KMT2A: variants seen among roughly 807,000 people sequenced by gnomAD.
The protein encoded by KMT2A is lysine methyltransferase 2A.
Under a neutral mutation model 345.3 loss-of-function variants are expected in KMT2A, and 16 were observed. The ratio of observed to expected loss-of-function variants is 0.05; its 90% confidence interval spans 0.03 to 0.07. The LOEUF (loss-of-function observed/expected upper bound fraction) is 0.07, where lower values mean the gene tolerates loss of function less well. Among genes scored for constraint, KMT2A ranks in the 10% least tolerant of loss-of-function variants. KMT2A has a pLI of 1.00. For missense variants in KMT2A, 3,272 were observed against 4,841.6 expected (o/e 0.68, Z 9.62); for synonymous variants, 1,599 against 1,778.6 (o/e 0.90, Z 2.54).
chr11:118,446,710 C>G (rs371588017), intron 1 of KMT2A, among the ~76,000 whole-genome samples: 1 of 152,220 alleles, frequency 6.6e-6, no homozygotes, highest in Non-Finnish European at 1.5e-5. Context: ...GTAATCTTCT[C>G]ATTGGTCTTC....
intron 8 of KMT2A, among the ~76,000 whole-genome samples, chr11:118,482,933 CA>C (rs1950161971): frequency 6.6e-6 from 1 of 151,604 alleles, no homozygotes; most frequent in South Asian, 2.1e-4. Context: ...ACACTGTCTC[CA>C]AAAAAAATTT....
intron 1 of KMT2A, among the ~76,000 whole-genome samples, chr11:118,460,450 C>G (rs1949725425): frequency 6.6e-6 from 1 of 151,886 alleles, no homozygotes; most frequent in Non-Finnish European, 1.5e-5. Flanking sequence ...GCACACCCAG[C>G]TATTTTTTTG....
At chr11:118,452,567 A>G (rs1282267680) in intron 1 of KMT2A, among the ~76,000 whole-genome samples, 2 of 152,092 alleles carry the variant, frequency 1.3e-5, no homozygotes, top group East Asian at 3.9e-4. Context: ...TTAAAATGGA[A>G]CTTAGATGTG....
intron 25 of KMT2A, among the ~76,000 whole-genome samples, 161 bp from the exon 26 acceptor site, chr11:118,501,511 C>T (rs11216879): frequency 5.9e-5 from 9 of 151,640 alleles, no homozygotes; most frequent in African/African-American, 2.2e-4. Context: ...GAATTCGATT[C>T]AGGGAGTACT....
rs9332822 is a variant in KMT2A, at chr11:118,495,409, C to T, written c.5364-291C>T. On this transcript the variant is annotated intron_variant, in intron 18 of 35. Transcript: ENST00000534358. The surrounding 1 kb of genome is among the most constrained non-coding windows in gnomAD (Gnocchi z 4.1). ...TTGACCTGGTGATCCGCCTGCCTCA[C>T]CCTCCCAAAAGTGCTGGGATTACAG... is the stretch of plus-strand genomic sequence containing the variant. 0.013 allele frequency among the ~76,000 whole-genome samples: 2,003 copies of T among 152,116 alleles called. 43 individuals are homozygous for T. Among genetic ancestry groups the T allele is most frequent in the African/African-American group, 0.046 (1,890 of 41,490 alleles).
At chr11:118,516,646 G>A (rs962472165) in intron 31 of KMT2A, among the ~76,000 whole-genome samples, 1 of 152,150 alleles carries the variant, frequency 6.6e-6, no homozygotes, top group Non-Finnish European at 1.5e-5. Context: ...CTAAGGTCCT[G>A]TCTGGCACAG....
intron 1 of KMT2A, among the ~76,000 whole-genome samples, chr11:118,438,323 G>T (rs375636934): frequency 1.8e-4 from 27 of 152,130 alleles, no homozygotes; most frequent in African/African-American, 5.8e-4. Context: ...ACATTATTCG[G>T]CCCCCTTCAG....
chr11:118,498,326 CAT>C lies in KMT2A; in HGVS notation c.5803-41_5803-40del, dbSNP rs1950443397. 6.4e-7 allele frequency: 1 copy of C among 1,562,752 alleles called. No homozygotes were observed. On this transcript the variant is annotated intron_variant, in intron 21 of 35. Transcript: ENST00000534358. This position sits in a 1 kb window ranked among gnomAD's most constrained non-coding sequence, Gnocchi z 4.4. The stretch of plus-strand genomic sequence containing the variant: ...AGAGGAGACGGTAAACGTCTTAAAA[CAT>C]ATGAAAGTCTGAATAGGACTCTGTT...
Position 118,495,947 on chromosome 11 carries a change from G to T in KMT2A, c.5557+54G>T. 2 of 1,410,978 alleles carry T rather than the reference G, an allele frequency of 1.4e-6. No homozygotes were observed. Among genetic ancestry groups the T allele is most frequent in the South Asian group, 1.3e-5 (1 of 76,980 alleles). 87.4% of individuals were successfully genotyped at this position (1,410,978 alleles called of 1,614,324 possible). A position where few individuals can be genotyped will look rare whatever the true frequency, so the allele number is the denominator to read the frequency against. ...CATTTCCCTCTAGATGCAGATGATT[G>T]ACTTCGTGAATCCAATTCACTAAAA... On this transcript the variant is annotated intron_variant, in intron 19 of 35. Coordinates refer to ENST00000534358, the MANE Select transcript of KMT2A (RefSeq NM_001197104.2). The surrounding 1 kb of genome is among the most constrained non-coding windows in gnomAD (Gnocchi z 4.1).
rs1950449747 is a variant in KMT2A, at chr11:118,498,661, C to T, written c.5961+133C>T. 2 of 828,582 alleles carry T rather than the reference C, an allele frequency of 2.4e-6. No individual in the cohort carries two copies. The highest frequency in any genetic ancestry group is 5.7e-5 in the Admixed American group (2 of 35,336). The allele number at this position is 828,582 out of a possible 1,614,324, so 51.3% of individuals were successfully genotyped here. ...CTGCACCCACATATGCACAGCCTCC[C>T]CCATGATCAGCATCCCCCACCAGAG... is the stretch of plus-strand genomic sequence containing the variant. On this transcript the variant is annotated intron_variant, in intron 22 of 35. Transcript: ENST00000534358. The surrounding 1 kb of genome is among the most constrained non-coding windows in gnomAD (Gnocchi z 4.4).
At position 118,457,860 on chromosome 11, in the gene KMT2A, T is replaced by A. The variant is rs988446213; in HGVS notation, c.433-10915T>A. On this transcript the variant is annotated intron_variant, in intron 1 of 35. Transcript: ENST00000534358. ...CCTCCAGCAGTGTCTTCCTCTAGCA[T>A]AGCAGGCAACATACGATACTTCATT... 2.3e-4 allele frequency among the ~76,000 whole-genome samples: 35 copies of A among 152,088 alleles called. 1 individual carries two copies. The highest frequency in any genetic ancestry group is 8.0e-4 in the African/African-American group (33 of 41,426).
rs893159802 is a variant in KMT2A, at chr11:118,521,882, C to T, written c.11644-15C>T. ...AAGAAATGACAAGTTCTTCTCCCTT[C>T]TTCTGCATGTGCAGGGCATTGGTTG... On this transcript the variant is annotated splice_polypyrimidine_tract_variant and intron_variant, in intron 35 of 35. Coordinates refer to ENST00000534358, the MANE Select transcript of KMT2A (RefSeq NM_001197104.2). The surrounding 1 kb of genome is among the most constrained non-coding windows in gnomAD (Gnocchi z 5.3). 6.2e-6 allele frequency: 10 copies of T among 1,606,642 alleles called. No homozygotes were observed. The highest frequency in any genetic ancestry group is 7.7e-6 in the Non-Finnish European group (9 of 1,173,660).
In KMT2A at chr11:118,505,837, A is replaced by G. The variant is rs1950571965; in HGVS notation, c.9945A>G (p.Thr3315=). 6.2e-7 allele frequency: 1 copy of G among 1,614,092 alleles called. No individual in the cohort carries two copies. Among genetic ancestry groups the G allele is most frequent in the African/African-American group, 1.3e-5 (1 of 74,922 alleles). The change falls in exon 27 of 36, where the codon ACA becomes ACG. Residue 3315 remains threonine, a synonymous_variant. Transcript: ENST00000534358. The surrounding 1 kb of genome is among the most constrained non-coding windows in gnomAD (Gnocchi z 4.6). ...LPQSVGGTAA[T]AAGTSTISQD... ...AGAGTGTGGGAGGAACTGCTGCCAC[A>G]GCGGCAGGCACATCAACAATAAGCC...
chr11:118,442,384 A>G (rs1458464249), intron 1 of KMT2A, among the ~76,000 whole-genome samples: 3 of 152,230 alleles, frequency 2.0e-5, no homozygotes, highest in African/African-American at 7.2e-5. Flanking sequence ...CTACATTTTA[A>G]TCAGATTCTT....
intron 31 of KMT2A, among the ~76,000 whole-genome samples, chr11:118,519,133 C>T (rs988626147): frequency 7.3e-6 from 1 of 137,268 alleles, no homozygotes; most frequent in Non-Finnish European, 1.6e-5. Context: ...TCTGGGGGAA[C>T]ATAAGCTTAT....
intron 28 of KMT2A, among the ~76,000 whole-genome samples, 191 bp from the exon 29 acceptor site, chr11:118,508,945 A>C (rs35648788): frequency 6.6e-6 from 1 of 152,198 alleles, no homozygotes; most frequent in Non-Finnish European, 1.5e-5. Flanking sequence ...AGAATCTCAC[A>C]AAAGAGTTTT....
At chr11:118,481,385 C>T (rs1555039141) in intron 6 of KMT2A, among the ~76,000 whole-genome samples, 4 of 152,208 alleles carry the variant, frequency 2.6e-5, no homozygotes, top group Non-Finnish European at 1.5e-5. Context: ...TTTCACTTAA[C>T]ATAATGTCCT....
rs1555053677 is a variant in KMT2A, at chr11:118,521,919, G to A, written c.11666G>A (p.Arg3889Gln). 2.5e-6 allele frequency: 4 copies of A among 1,613,802 alleles called. No homozygotes were observed. The highest frequency in any genetic ancestry group is 1.1e-5 in the South Asian group (1 of 91,074). The part of the protein sequence containing the change: ...DSKGIGCYMF[R>Q]IDDSEVVDAT... ...CAGGGCATTGGTTGCTATATGTTCCGAATTGATGACTCAGAGGTAGTGGAT... is the reference window on the plus strand; with the variant it reads ...CAGGGCATTGGTTGCTATATGTTCCAAATTGATGACTCAGAGGTAGTGGAT... Residue 3889 changes from arginine (R) to glutamine (Q), a missense_variant, in exon 36 of 36, where the codon CGA (arginine) becomes CAA (glutamine). Arg to Gln is a conservative substitution (Grantham distance 43). Transcript: ENST00000534358. This position sits in a 1 kb window ranked among gnomAD's most constrained non-coding sequence, Gnocchi z 5.3.
rs782440708 is a variant in KMT2A at position 118,503,730 on chromosome 11, G to C, written c.7838G>C (p.Gly2613Ala). The change falls in exon 27 of 36, where the codon GGC (glycine) becomes GCC (alanine). Residue 2613 changes from glycine to alanine, a missense_variant. Gly to Ala is a moderately conservative substitution (Grantham distance 60, BLOSUM62 0). Transcript: ENST00000534358. The surrounding 1 kb of genome is among the most constrained non-coding windows in gnomAD (Gnocchi z 5.3). ...GATGGCCCCAAACCTCAGGAGGATG[G>C]CTCTTTTAAAAGGAGGTATCCCCGT... is the stretch of plus-strand genomic sequence containing the variant. The part of the protein sequence containing the change: ...LPDGPKPQED[G>A]SFKRRYPRRS... 16 of 1,614,188 alleles carry C rather than the reference G, an allele frequency of 9.9e-6. No individual in the cohort carries two copies. The highest frequency in any genetic ancestry group is 1.3e-5 in the Non-Finnish European group (15 of 1,180,040).
Sources: gnomAD v4.1 joint callset for allele counts (sites outside exome capture counted in the v4.1 genomes callset) on GRCh38, gnomAD v4.1.1 for gene constraint, Gnocchi (gnomAD v3.1) non-coding constraint, MANE v1.5 for transcripts, NCBI Gene and HGNC (gene_info 2026-07-23, HGNC 2026-07-21) for gene names.